Variants in PRDM13 observed in about 807,000 individuals in gnomAD.
PRDM13 encodes the protein PR domain zinc finger protein 13.
Under a neutral mutation model 36.4 loss-of-function variants are expected in PRDM13, and 15 were observed. The ratio of observed to expected loss-of-function variants is 0.41; its 90% confidence interval spans 0.28 to 0.64. PRDM13 has a LOEUF of 0.64. Among genes scored for constraint, PRDM13 ranks in the 30% least tolerant of loss-of-function variants. The probability of loss-of-function intolerance (pLI) is 0.29; values close to 1 mark genes in which losing one functional copy is unlikely to be tolerated. For synonymous variants in PRDM13, 531 were observed against 467.7 expected (o/e 1.14, Z -1.75); for missense variants, 1,044 against 1,013.5 (o/e 1.03, Z -0.41).
intron 3 of PRDM13, 142 bp from the exon 4 acceptor site, chr6:99,612,891 A>C: frequency 6.9e-7 from 1 of 1,458,766 alleles, no homozygotes; most frequent in Non-Finnish European, 9.1e-7. Context: ...TCCTCGATAC[A>C]GTAGGGCTAC....
chr6:99,610,363 T>C (rs1240655852), intron 3 of PRDM13, among the ~76,000 whole-genome samples: 3 of 152,238 alleles, frequency 2.0e-5, no homozygotes. Flanking sequence ...AAAGCTTCCA[T>C]GGCTTTTTTT....
Position 99,613,792 on chromosome 6 carries a change from T to C in PRDM13, c.1157T>C (p.Leu386Pro). Residue 386 changes from leucine (L) to proline (P), a missense_variant, in exon 4 of 4, where the codon CTG becomes CCG. Coordinates refer to ENST00000369215, the MANE Select transcript of PRDM13 (RefSeq NM_021620.4). The surrounding 1 kb of genome is among the most constrained non-coding windows in gnomAD (Gnocchi z 6.1). ...PPPGLPCSGALRGFPLLSVPP... is the reference protein window; with the variant it reads ...PPPGLPCSGAPRGFPLLSVPP... Reference sequence around the variant, plus strand: ...CCTGGCCTGCCCTGCTCTGGGGCCCTGCGCGGCTTCCCTCTGCTCTCCGTC... The same window carrying C: ...CCTGGCCTGCCCTGCTCTGGGGCCCCGCGCGGCTTCCCTCTGCTCTCCGTC... 6.6e-7 allele frequency: 1 copy of C among 1,507,686 alleles called. No individual in the cohort carries two copies. The highest frequency in any genetic ancestry group is 8.8e-7 in the Non-Finnish European group (1 of 1,135,522). The allele number at this position is 1,507,686 out of a possible 1,614,324, so 93.4% of individuals were successfully genotyped here.
intron 3 of PRDM13, among the ~76,000 whole-genome samples, chr6:99,611,821 C>T (rs1360840534): frequency 6.6e-6 from 1 of 152,152 alleles, no homozygotes; most frequent in Non-Finnish European, 1.5e-5. Context: ...TATTTCCTTG[C>T]GGTTCAACTA....
In PRDM13 at chr6:99,613,585, G is replaced by A. The variant is rs780854003; in HGVS notation, c.950G>A (p.Ser317Asn). ...AHGDPYREES[S>N]SKQGAGLALG... Reference sequence around the variant, plus strand: ...GGCGACCCCTACCGGGAGGAGAGCAGCAGCAAGCAAGGAGCCGGCCTCGCT... The same window carrying A: ...GGCGACCCCTACCGGGAGGAGAGCAACAGCAAGCAAGGAGCCGGCCTCGCT... Residue 317 changes from serine (S) to asparagine (N), a missense_variant, in exon 4 of 4, where the codon AGC becomes AAC. Transcript: ENST00000369215. This position sits in a 1 kb window ranked among gnomAD's most constrained non-coding sequence, Gnocchi z 6.1. 1.3e-6 allele frequency: 2 copies of A among 1,499,862 alleles called. No individual in the cohort carries two copies. The highest frequency in any genetic ancestry group is 1.8e-6 in the Non-Finnish European group (2 of 1,133,960). 92.9% of individuals were successfully genotyped at this position (1,499,862 alleles called of 1,614,324 possible).
In PRDM13 at chr6:99,614,874, T is replaced by A; in HGVS notation, c.*115T>A. The A allele has an allele frequency of 7.4e-7, 1 of 1,344,010 alleles. No homozygotes were observed. The highest frequency in any genetic ancestry group is 9.9e-7 in the Non-Finnish European group (1 of 1,005,490). The allele number at this position is 1,344,010 out of a possible 1,614,324, so 83.3% of individuals were successfully genotyped here. On this transcript the variant is annotated 3_prime_UTR_variant, in exon 4 of 4. Coordinates refer to ENST00000369215, the MANE Select transcript of PRDM13 (RefSeq NM_021620.4). ...GACCCAATGGACAAAACCGTTTTTG[T>A]TTTTGAGAGGGCGCCAGATTTGAAA...
chr6:99,614,607 C>T lies in PRDM13; in HGVS notation c.1972C>T (p.Leu658=). The T allele has an allele frequency of 6.2e-7, 1 of 1,612,624 alleles. No homozygotes were observed. The highest frequency in any genetic ancestry group is 8.5e-7 in the Non-Finnish European group (1 of 1,179,856). The change falls in exon 4 of 4, where the codon CTG becomes TTG. Residue 658 remains leucine, a synonymous_variant. Transcript: ENST00000369215. ...HVKSRHPGQS[L]LAKAGDGPGA... ...CAAGTCCCGCCACCCTGGCCAGAGT[C>T]TGCTCGCCAAAGCGGGCGACGGCCC...
At chr6:99,609,706 T>C (rs1040106749) in intron 3 of PRDM13, among the ~76,000 whole-genome samples, 9 of 152,130 alleles carry the variant, frequency 5.9e-5, no homozygotes, top group African/African-American at 2.2e-4. Context: ...GGCAACATAG[T>C]GAGACCTCTG....
chr6:99,614,905 A>G lies in PRDM13; in HGVS notation c.*146A>G. 1 of 1,071,294 alleles carries G rather than the reference A, an allele frequency of 9.3e-7. No individual in the cohort carries two copies. The highest frequency in any genetic ancestry group is 1.3e-6 in the Non-Finnish European group (1 of 768,208). 66.4% of individuals were successfully genotyped at this position (1,071,294 alleles called of 1,614,324 possible). A position where few individuals can be genotyped will look rare whatever the true frequency, so the allele number is the denominator to read the frequency against. On this transcript the variant is annotated 3_prime_UTR_variant, in exon 4 of 4. Transcript: ENST00000369215. ...AGAGGGCGCCAGATTTGAAACAGTG[A>G]GAGGTCCCACATCTGGTGCTGAAAC...
Position 99,608,836 on chromosome 6 carries a change from G to A in PRDM13, c.240G>A (p.Gln80=), listed in dbSNP as rs1769991019. The change falls in exon 2 of 4, where the codon CAG becomes CAA. Residue 80 remains glutamine (Q), a synonymous_variant. Coordinates refer to ENST00000369215, the MANE Select transcript of PRDM13 (RefSeq NM_021620.4). ...LIRAARNSQE[Q]TLEAIADLPG... is the part of the protein sequence containing the mutation. ...GGGCAGCCAGAAACTCCCAGGAACA[G>A]ACTCTGGAAGCTATTGCAGACTTAC... The A allele has an allele frequency of 6.2e-7, 1 of 1,613,806 alleles. No homozygotes were observed. Among genetic ancestry groups the A allele is most frequent in the African/African-American group, 1.3e-5 (1 of 74,860 alleles).
rs765051633 is a variant in PRDM13 at position 99,614,113 on chromosome 6, C to A, written c.1478C>A (p.Pro493Gln). 2.5e-6 allele frequency: 4 copies of A among 1,599,592 alleles called. No homozygotes were observed. The highest frequency in any genetic ancestry group is 3.4e-6 in the Non-Finnish European group (4 of 1,174,626). ...KLHFGGLLKYPESISYFSGPA... is the reference protein window; with the variant it reads ...KLHFGGLLKYQESISYFSGPA... ...CACTTCGGCGGGCTGCTGAAGTATCCGGAGTCCATCTCCTACTTCAGCGGG... is the reference window on the plus strand; with the variant it reads ...CACTTCGGCGGGCTGCTGAAGTATCAGGAGTCCATCTCCTACTTCAGCGGG... The change falls in exon 4 of 4, where the codon CCG becomes CAG. Residue 493 changes from proline to glutamine, a missense_variant. By Grantham distance (76) the Pro-to-Gln change is moderately conservative. Transcript: ENST00000369215.
chr6:99,613,896 G>T lies in PRDM13; in HGVS notation c.1261G>T (p.Ala421Ser). 1 of 1,568,422 alleles carries T rather than the reference G, an allele frequency of 6.4e-7. No homozygotes were observed. The highest frequency in any genetic ancestry group is 8.6e-7 in the Non-Finnish European group (1 of 1,164,496). The change falls in exon 4 of 4, where the codon GCG becomes TCG. Residue 421 changes from alanine to serine, a missense_variant. By Grantham distance (99) the Ala-to-Ser change is moderately conservative. Around this residue, in one of 3 missense-constraint regions of PRDM13, gnomAD observed 921 missense variants for 865.2 expected, o/e 1.06. Coordinates refer to ENST00000369215, the MANE Select transcript of PRDM13 (RefSeq NM_021620.4). This position sits in a 1 kb window ranked among gnomAD's most constrained non-coding sequence, Gnocchi z 6.1. The part of the protein sequence containing the change: ...AAAALPGARY[A>S]QLPPAPGLPL... ...CGCCGCGCTGCCAGGAGCGCGTTATGCGCAGCTGCCCCCTGCGCCGGGGTT... is the reference window on the plus strand; with the variant it reads ...CGCCGCGCTGCCAGGAGCGCGTTATTCGCAGCTGCCCCCTGCGCCGGGGTT...
chr6:99,613,287 G>A lies in PRDM13; in HGVS notation c.652G>A (p.Val218Ile), dbSNP rs766594146. Residue 218 changes from valine (V) to isoleucine (I), a missense_variant, in exon 4 of 4, where the codon GTT becomes ATT. By Grantham distance (29) the Val-to-Ile change is conservative (BLOSUM62 3). This residue lies in a region of PRDM13 where 921 missense variants were observed against 865.2 expected (regional missense o/e 1.06). Transcript: ENST00000369215. This position sits in a 1 kb window ranked among gnomAD's most constrained non-coding sequence, Gnocchi z 6.1. ...ACCCCACCCCCTGGGCCCGCCACCA[G>A]TTCAGGCCTGCGGTGCGCGGGAGGG... is the stretch of plus-strand genomic sequence containing the variant. ...LRPHPLGPPP[V>I]QACGAREGIK... The A allele has an allele frequency of 6.3e-7, 1 of 1,585,786 alleles. No individual in the cohort carries two copies. Among genetic ancestry groups the A allele is most frequent in the African/African-American group, 1.3e-5 (1 of 74,450 alleles).
Position 99,614,989 on chromosome 6 carries a change from C to G in PRDM13, c.*230C>G. On this transcript the variant is annotated 3_prime_UTR_variant, in exon 4 of 4. Transcript: ENST00000369215. ...GCCACCTGGAGAGCTCGAGTGCCAC[C>G]AGTACCTCCGCACCCCGGGCCTCTG... 1 of 610,402 alleles carries G rather than the reference C, an allele frequency of 1.6e-6. No individual in the cohort carries two copies. Among genetic ancestry groups the G allele is most frequent in the Non-Finnish European group, 2.7e-6 (1 of 363,684 alleles). The allele number at this position is 610,402 out of a possible 1,614,324, so 37.8% of individuals were successfully genotyped here. A position where few individuals can be genotyped will look rare whatever the true frequency, so the allele number is the denominator to read the frequency against.
At position 99,614,708 on chromosome 6, in the gene PRDM13, A is replaced by G; in HGVS notation, c.2073A>G (p.Thr691=). Residue 691 remains threonine (T), a synonymous_variant, in exon 4 of 4, where the codon ACA becomes ACG. Coordinates refer to ENST00000369215, the MANE Select transcript of PRDM13 (RefSeq NM_021620.4). ...ACAGTGACGTGGACGTCTGCTTCAC[A>G]GACGACCAGAGCGACCCCGAGGTTG... ...SDDSDVDVCF[T]DDQSDPEVGG... 6.3e-7 allele frequency: 1 copy of G among 1,598,358 alleles called. No individual in the cohort carries two copies. The highest frequency in any genetic ancestry group is 8.5e-7 in the Non-Finnish European group (1 of 1,172,466).
chr6:99,607,931 TTA>T (rs1329893048), intron 1 of PRDM13, among the ~76,000 whole-genome samples: 2 of 152,220 alleles, frequency 1.3e-5, no homozygotes, highest in Non-Finnish European at 2.9e-5. Context: ...CCAGAGAGAC[TTA>T]TAGCACTCGC....
intron 3 of PRDM13, among the ~76,000 whole-genome samples, chr6:99,612,631 C>G (rs1042111412): frequency 1.3e-5 from 2 of 152,192 alleles, no homozygotes; most frequent in Non-Finnish European, 2.9e-5. Context: ...CCTTGACATA[C>G]GCCACCTATT....
rs771766830 is a variant in PRDM13, at chr6:99,614,629, GC to G, written c.1997del (p.Pro666ArgfsTer52). Reference protein sequence around the residue: ...GQSLLAKAGDGPGAEPGYPPE... With the variant: ...GQSLLAKAGDXPGAEPGYPPE... ...AGTCTGCTCGCCAAAGCGGGCGACG[GC>G]CCGGGTGCCGAGCCCGGCTATCCCC... is the stretch of plus-strand genomic sequence containing the variant. On this transcript the variant is annotated frameshift_variant, in exon 4 of 4. Coordinates refer to ENST00000369215, the MANE Select transcript of PRDM13 (RefSeq NM_021620.4). LOFTEE classifies it high-confidence loss of function. The G allele has an allele frequency of 2.5e-5, 41 of 1,612,280 alleles. No homozygotes were observed. Among genetic ancestry groups the G allele is most frequent in the Non-Finnish European group, 3.5e-5 (41 of 1,179,792 alleles).
At position 99,614,819 on chromosome 6, in the gene PRDM13, A is replaced by G. The variant is rs1770107948; in HGVS notation, c.*60A>G. On this transcript the variant is annotated 3_prime_UTR_variant, in exon 4 of 4. Transcript: ENST00000369215. ...AGAGGAGTCGAGGGTTTATTCTCGC[A>G]GTAGAGGAACTCCTGGTGGTGGGAA... The G allele has an allele frequency of 6.6e-7, 1 of 1,511,098 alleles. No individual in the cohort carries two copies. The highest frequency in any genetic ancestry group is 2.3e-5 in the East Asian group (1 of 43,998). The allele number at this position is 1,511,098 out of a possible 1,614,324, so 93.6% of individuals were successfully genotyped here.
Position 99,609,445 on chromosome 6 carries a change from G to A in PRDM13, c.397+138G>A, listed in dbSNP as rs1422416988. ...TTTCAAGGCAAAGAGGAGAGAGGTC[G>A]CCACTACCTCCTTAAAATCAACCAT... is the stretch of plus-strand genomic sequence containing the variant. On this transcript the variant is annotated intron_variant, in intron 3 of 3. Transcript: ENST00000369215. The A allele has an allele frequency of 4.4e-5, 53 of 1,206,022 alleles. 1 individual carries two copies. The South Asian group carries it at 5.8e-4, about 13-fold the overall frequency. The allele number at this position is 1,206,022 out of a possible 1,614,324, so 74.7% of individuals were successfully genotyped here.
Sources: allele counts gnomAD v4.1 joint callset (sites outside exome capture counted in the v4.1 genomes callset), GRCh38; gene constraint gnomAD v4.1.1; regional missense constraint gnomAD v4.1.1; non-coding constraint Gnocchi (gnomAD v3.1); transcripts MANE v1.5; gene names NCBI Gene and HGNC (gene_info 2026-07-23, HGNC 2026-07-21).